PLXNA4: variants seen among roughly 807,000 people sequenced by gnomAD.
The protein encoded by PLXNA4 is plexin A4.
In PLXNA4, 44 loss-of-function variants were observed where a neutral mutation model predicts 191.8. The ratio of observed to expected loss-of-function variants is 0.23; its 90% CI spans 0.18 to 0.29. The LOEUF is 0.29. Ranked by LOEUF, PLXNA4 falls within the 10% of genes least tolerant of loss-of-function variation. The pLI, the probability that PLXNA4 is intolerant of heterozygous loss-of-function variation, is 1.00. For missense variants in PLXNA4, 1,800 were observed against 2,488.8 expected (o/e 0.72, Z 5.89); for synonymous variants, 1,082 against 1,009.5 (o/e 1.07, Z -1.36).
intron 3 of PLXNA4, among the ~76,000 whole-genome samples, chr7:132,414,134 C>T (rs1163605626): frequency 6.6e-6 from 1 of 152,206 alleles, no homozygotes; most frequent in Admixed American, 6.5e-5. Context: ...ATGGAAAAGC[C>T]CCGGTTGCTG....
chr7:132,188,544 G>A (rs1036714540), intron 14 of PLXNA4, among the ~76,000 whole-genome samples: 7 of 152,204 alleles, frequency 4.6e-5, no homozygotes, highest in Admixed American at 3.9e-4. Context: ...CTATCACCTG[G>A]CACATGCGCC....
chr7:132,198,587 C>A lies in PLXNA4; in HGVS notation c.2636G>T (p.Arg879Leu), dbSNP rs376155203. The change falls in exon 13 of 32, where the codon CGA becomes CTA. Residue 879 changes from arginine to leucine, a missense_variant. Arg to Leu is a moderately radical substitution (Grantham distance 102). Coordinates refer to ENST00000321063, the MANE Select transcript of PLXNA4 (RefSeq NM_020911.2). ...AAATTCCAGGCCCAGGTTCTCCCCT[C>A]GGATAGTGACCTTGGTGCCCCCTTC... ...PREGGTKVTIRGENLGLEFRD... is the reference protein window; with the variant it reads ...PREGGTKVTILGENLGLEFRD... 9 of 1,614,240 alleles carry A rather than the reference C, an allele frequency of 5.6e-6. No individual in the cohort carries two copies. Among genetic ancestry groups the A allele is most frequent in the African/African-American group, 1.3e-5 (1 of 75,076 alleles).
chr7:132,484,884 C>T, intron 3 of PLXNA4: 1 of 1,614,184 alleles, frequency 6.2e-7, no homozygotes, highest in South Asian at 1.1e-5. Flanking sequence ...TCTGATATTG[C>T]TTTGTGACTT....
chr7:132,367,535 G>C (rs1256740308), intron 3 of PLXNA4: 1 of 152,322 alleles, frequency 6.6e-6, no homozygotes. Context: ...ATGCAGGTGA[G>C]GGGTGGGGTG....
At chr7:132,227,997 G>A (rs1798387200) in intron 6 of PLXNA4, among the ~76,000 whole-genome samples, 1 of 152,140 alleles carries the variant, frequency 6.6e-6, no homozygotes. Context: ...AGTCACCTGT[G>A]CCCCTTTCTC....
chr7:132,342,943 C>T (rs1275013839), intron 3 of PLXNA4, among the ~76,000 whole-genome samples: 15 of 94,712 alleles, frequency 1.6e-4, no homozygotes, highest in African/African-American at 6.9e-4. Flanking sequence ...TGAGACTCTG[C>T]CTCAAAAAAA....
chr7:132,446,711 C>G (rs895047260), intron 3 of PLXNA4, among the ~76,000 whole-genome samples: 1 of 152,192 alleles, frequency 6.6e-6, no homozygotes, highest in African/African-American at 2.4e-5. Context: ...CTCACAAAAA[C>G]CCCACCCTAT....
chr7:132,410,465 C>G (rs1160213220), intron 3 of PLXNA4, among the ~76,000 whole-genome samples: 1 of 152,188 alleles, frequency 6.6e-6, no homozygotes, highest in Non-Finnish European at 1.5e-5. Context: ...CCTAGCCTTC[C>G]CCCCTCCACA....
intron 4 of PLXNA4, among the ~76,000 whole-genome samples, chr7:132,286,623 G>C (rs2116432918): frequency 6.6e-6 from 1 of 152,156 alleles, no homozygotes; most frequent in South Asian, 2.1e-4. Flanking sequence ...CTCTATTCTG[G>C]GGCAGAGAGA....
chr7:132,489,379 G>C lies in PLXNA4; in HGVS notation c.1284C>G (p.Asp428Glu), dbSNP rs1399742014. Residue 428 changes from aspartate to glutamate, a missense_variant, in exon 3 of 32, where the codon GAC (aspartate) becomes GAG (glutamate). Coordinates refer to ENST00000321063, the MANE Select transcript of PLXNA4 (RefSeq NM_020911.2). ...MVRGIPVFTE[D>E]RDRMTSVIAY... ...CGATGACAGACGTCATGCGGTCCCT[G>C]TCCTCCGTGAAGACGGGAATTCCAC... 6.2e-7 allele frequency: 1 copy of C among 1,607,256 alleles called. No individual in the cohort carries two copies. Among genetic ancestry groups the C allele is most frequent in the East Asian group, 2.2e-5 (1 of 44,628 alleles).
intron 31 of PLXNA4, 144 bp from the exon 32 acceptor site, chr7:132,130,718 G>A: frequency 8.0e-7 from 1 of 1,255,794 alleles, no homozygotes; most frequent in Middle Eastern, 2.5e-4. Context: ...TGCGGGGTAG[G>A]AGGAGACCTG....
intron 16 of PLXNA4, 49 bp from the exon 17 acceptor site, chr7:132,182,239 G>A: frequency 3.1e-6 from 5 of 1,605,674 alleles, no homozygotes; most frequent in Non-Finnish European, 4.3e-6. Flanking sequence ...TTCAGGAAGA[G>A]CAATGGCACT....
intron 25 of PLXNA4, among the ~76,000 whole-genome samples, chr7:132,150,086 C>T (rs1452022430): frequency 6.6e-6 from 1 of 152,178 alleles, no homozygotes; most frequent in Non-Finnish European, 1.5e-5. Context: ...AGCATAGGGA[C>T]TACATGCTTG....
chr7:132,382,212 G>C (rs560178037), intron 3 of PLXNA4, among the ~76,000 whole-genome samples: 1 of 152,212 alleles, frequency 6.6e-6, no homozygotes, highest in Non-Finnish European at 1.5e-5. Flanking sequence ...GAAGCCCAGA[G>C]AAGAGGAAGC....
intron 1 of PLXNA4, among the ~76,000 whole-genome samples, chr7:132,557,294 T>C (rs1306941465): frequency 2.0e-5 from 3 of 152,168 alleles, no homozygotes; most frequent in Admixed American, 6.5e-5. Context: ...AGGAACCCTC[T>C]ATCACGTGCT....
chr7:132,136,115 C>T (rs10250358), intron 30 of PLXNA4, among the ~76,000 whole-genome samples: 7 of 152,130 alleles, frequency 4.6e-5, no homozygotes, highest in Admixed American at 1.3e-4. Context: ...CCTGCTCCCC[C>T]ACTCCCACTC....
At chr7:132,248,371 A>G (rs1438765566) in intron 4 of PLXNA4, among the ~76,000 whole-genome samples, 1 of 152,188 alleles carries the variant, frequency 6.6e-6, no homozygotes, top group Non-Finnish European at 1.5e-5. Context: ...ATTCATGTCT[A>G]TTGTATGCAA....
rs779273353 is a variant in PLXNA4, at chr7:132,227,457, C to T, written c.1876G>A (p.Glu626Lys). The T allele has an allele frequency of 3.1e-6, 5 of 1,614,186 alleles. No individual in the cohort carries two copies. The highest frequency in any genetic ancestry group is 1.7e-6 in the Non-Finnish European group (2 of 1,180,030). ...AAKEVPRIIT[E>K]NGDHHVVQLQ... Reference sequence around the variant, plus strand: ...GTGCCTCCGGGATGCTCACCATTCTCTGTGATGATCCGGGGCACCTCCTTG... The same window carrying T: ...GTGCCTCCGGGATGCTCACCATTCTTTGTGATGATCCGGGGCACCTCCTTG... The change falls in exon 7 of 32, where the codon GAG becomes AAG. Residue 626 changes from glutamate (E) to lysine (K), a missense_variant. By Grantham distance (56) the Glu-to-Lys change is moderately conservative (BLOSUM62 1). This residue lies in a region of PLXNA4 where 1,397 missense variants were observed against 1,880.4 expected (regional missense o/e 0.74). Coordinates refer to ENST00000321063, the MANE Select transcript of PLXNA4 (RefSeq NM_020911.2).
chr7:132,353,557 C>T (rs1440986509), intron 3 of PLXNA4, among the ~76,000 whole-genome samples: 14 of 152,044 alleles, frequency 9.2e-5, no homozygotes, highest in Non-Finnish European at 4.4e-5. Context: ...ATTATCTCAC[C>T]TTGAAATATC....
Sources: gnomAD v4.1 joint callset for allele counts (sites outside exome capture counted in the v4.1 genomes callset) on GRCh38, gnomAD v4.1.1 for gene constraint, gnomAD v4.1.1 regional missense constraint, MANE v1.5 for transcripts, NCBI Gene and HGNC (gene_info 2026-07-23, HGNC 2026-07-21) for gene names.